Variants in C5 observed in about 807,000 individuals in gnomAD.
C5 encodes the protein C3 and PZP-like alpha-2-macroglobulin domain-containing protein 4.
A neutral mutation model predicts 218.8 loss-of-function variants in C5; 140 were observed. That is an observed-to-expected ratio of 0.64 (90% CI 0.56 to 0.74). The LOEUF (loss-of-function observed/expected upper bound fraction) is 0.74. Among genes scored for constraint, C5 ranks in the 30% least tolerant of loss-of-function variants. The pLI is 0.00. For missense variants in C5, 1,700 were observed against 1,969.6 expected, an observed-to-expected ratio of 0.86 and a Z score of 2.59; for synonymous variants, 614 against 682.3, an observed-to-expected ratio of 0.90 and a Z score of 1.56.
intron 3 of C5, among the ~76,000 whole-genome samples, chr9:121,038,508 C>T (rs534186403): frequency 1.3e-5 from 2 of 152,262 alleles, no homozygotes; most frequent in East Asian, 3.9e-4. Flanking sequence ...TACACTTGTT[C>T]GCTCATTGTT....
At chr9:120,963,302 C>T (rs1015409869) in intron 34 of C5, among the ~76,000 whole-genome samples, 1 of 152,088 alleles carries the variant, frequency 6.6e-6, no homozygotes, top group East Asian at 1.9e-4. Context: ...GTCAGGAGTT[C>T]GAGACCAGCC....
chr9:120,976,982 T>C, intron 28 of C5, 77 bp from the exon 29 acceptor site: 1 of 1,277,986 alleles, frequency 7.8e-7, no homozygotes, highest in Non-Finnish European at 1.1e-6. Context: ...AGGTGTATTA[T>C]GGCCTTCCAG....
chr9:121,025,519 T>C lies in C5; in HGVS notation c.935A>G (p.Tyr312Cys). 6.2e-7 allele frequency: 1 copy of C among 1,613,224 alleles called. No homozygotes were observed. The highest frequency in any genetic ancestry group is 8.5e-7 in the Non-Finnish European group (1 of 1,179,712). The change falls in exon 9 of 41, where the codon TAC (tyrosine) becomes TGC (cysteine). Residue 312 changes from tyrosine (Y) to cysteine (C), a missense_variant. By Grantham distance (194) the Tyr-to-Cys change is radical (BLOSUM62 -2). Coordinates refer to ENST00000223642, the MANE Select transcript of C5 (RefSeq NM_001735.3). ...GTTGTTTAAATCTTCTAAACTGTAG[T>C]ATGACAGTTCTTTGACTGCTGTTTC... ...DSETAVKELS[Y>C]YSLEDLNNKY... is the part of the protein sequence containing the mutation.
chr9:120,980,958 G>A (rs2046988556), intron 27 of C5, among the ~76,000 whole-genome samples: 1 of 152,120 alleles, frequency 6.6e-6, no homozygotes, highest in South Asian at 2.1e-4. Flanking sequence ...GGTTCAAAAG[G>A]AGTTACACTT....
At chr9:121,043,338 G>A (rs1350438859) in intron 2 of C5, among the ~76,000 whole-genome samples, 172 bp from the exon 3 acceptor site, 1 of 152,192 alleles carries the variant, frequency 6.6e-6, no homozygotes, top group South Asian at 2.1e-4. Context: ...GCCCTTCAGT[G>A]TCTAATTACA....
Position 120,997,687 on chromosome 9 carries a change from C to T in C5, c.2650G>A (p.Val884Met). Residue 884 changes from valine (V) to methionine (M), a missense_variant, in exon 21 of 41, where the codon GTG (valine) becomes ATG (methionine). Val to Met is a conservative substitution (Grantham distance 21, BLOSUM62 1). Coordinates refer to ENST00000223642, the MANE Select transcript of C5 (RefSeq NM_001735.3). The part of the protein sequence containing the change: ...DHQGTKSSKC[V>M]RQKVEGSSSH... ...GAGGAGCCCTCTACTTTCTGGCGCA[C>T]ACATTTGGAGGACTTTGTGCCCTGA... 6.2e-7 allele frequency: 1 copy of T among 1,614,174 alleles called. No homozygotes were observed. Among genetic ancestry groups the T allele is most frequent in the Non-Finnish European group, 8.5e-7 (1 of 1,180,022 alleles).
chr9:121,002,316 G>GTATATATATATA (rs71370614), intron 20 of C5, among the ~76,000 whole-genome samples: 18 of 87,384 alleles, frequency 2.1e-4, no homozygotes, highest in African/African-American at 8.0e-4. Flanking sequence ...ATATGTGTGT[G>GTATATATATATA]TATATATATA....
chr9:120,978,709 A>AT (rs1318521277), intron 28 of C5, among the ~76,000 whole-genome samples: 1 of 152,012 alleles, frequency 6.6e-6, no homozygotes, highest in Non-Finnish European at 1.5e-5. Context: ...CTCTCTTTCT[A>AT]TTTTTTGTCT....
At chr9:121,026,453 T>C (rs987029590) in intron 8 of C5, among the ~76,000 whole-genome samples, 2 of 152,166 alleles carry the variant, frequency 1.3e-5, no homozygotes, top group African/African-American at 4.8e-5. Context: ...TTGAAAATGA[T>C]AGATAAGTAA....
chr9:121,057,639 T>C, the C5 span, among the ~76,000 whole-genome samples: 1 of 151,686 alleles, frequency 6.6e-6, no homozygotes, highest in Non-Finnish European at 1.5e-5. Context: ...ACACAAAAAA[T>C]AAAAAGCAAG....
At chr9:121,034,287 T>C (rs889643659) in intron 5 of C5, among the ~76,000 whole-genome samples, 4 of 152,206 alleles carry the variant, frequency 2.6e-5, no homozygotes, top group Non-Finnish European at 5.9e-5. Flanking sequence ...TTATTGTGAT[T>C]TGCACATACC....
Position 121,014,085 on chromosome 9 carries a change from A to G in C5, c.2060-15T>C. 2 of 1,607,186 alleles carry G rather than the reference A, an allele frequency of 1.2e-6. No homozygotes were observed. Among genetic ancestry groups the G allele is most frequent in the Non-Finnish European group, 1.7e-6 (2 of 1,173,830 alleles). ...ATATTTAGCAGCTGAAATGGTAATA[A>G]TGCAAGTGCTCTTGATGACGCAGAG... On this transcript the variant is annotated splice_polypyrimidine_tract_variant and intron_variant, in intron 16 of 40. Transcript: ENST00000223642.
At chr9:120,960,211 CA>C (rs2046816469) in intron 38 of C5, 36 bp downstream of exon 38, 4 of 1,309,924 alleles carry the variant, frequency 3.1e-6, no homozygotes, top group Non-Finnish European at 3.3e-6. Context: ...CATAAAATTT[CA>C]TGTTTAAAGG....
intron 33 of C5, among the ~76,000 whole-genome samples, chr9:120,967,285 T>C (rs1228368233): frequency 1.3e-5 from 2 of 149,306 alleles, no homozygotes; most frequent in African/African-American, 2.5e-5. Context: ...AAAGATGTGG[T>C]TTAGATACTG....
intron 20 of C5, among the ~76,000 whole-genome samples, chr9:121,000,578 T>C (rs539439333): frequency 2.3e-4 from 35 of 152,326 alleles, no homozygotes; most frequent in Admixed American, 3.9e-4. Context: ...TGCTGGATCA[T>C]CTGGCTATTT....
chr9:121,046,447 T>G, intron 1 of C5, 64 bp from the exon 2 acceptor site: 2 of 1,169,554 alleles, frequency 1.7e-6, no homozygotes, highest in Non-Finnish European at 2.6e-6. Flanking sequence ...TTACTTTTGA[T>G]TTTTTTCTCT....
chr9:121,002,274 ATATATACG>A (rs2047174356), intron 20 of C5, among the ~76,000 whole-genome samples: 2 of 128,180 alleles, frequency 1.6e-5, no homozygotes, highest in South Asian at 2.8e-4. Context: ...ATATATATGT[ATATATACG>A]TATATATGTA....
intron 20 of C5, among the ~76,000 whole-genome samples, chr9:120,999,016 C>T (rs150891337): frequency 4.6e-5 from 7 of 152,162 alleles, no homozygotes; most frequent in Admixed American, 1.3e-4. Flanking sequence ...GGATCACCTG[C>T]GGCCAATGAT....
intron 25 of C5, among the ~76,000 whole-genome samples, chr9:120,987,238 G>A (rs181117350): frequency 3.9e-5 from 6 of 152,180 alleles, no homozygotes; most frequent in Admixed American, 6.5e-5. Flanking sequence ...ATTGATTAGG[G>A]GGCCATTGGC....
Sources: gnomAD v4.1 joint callset for allele counts (sites outside exome capture counted in the v4.1 genomes callset) on GRCh38, gnomAD v4.1.1 for gene constraint, MANE v1.5 for transcripts, NCBI Gene and HGNC (gene_info 2026-07-23, HGNC 2026-07-21) for gene names.